CACNA2D3: variants seen among roughly 807,000 people sequenced by gnomAD.
CACNA2D3 encodes the protein voltage-dependent calcium channel subunit alpha-2/delta-3.
In CACNA2D3, 60 loss-of-function variants were observed where a neutral mutation model predicts 160.6. That is an observed-to-expected ratio of 0.37 (90% CI 0.30 to 0.46). The LOEUF (loss-of-function observed/expected upper bound fraction) is 0.46. CACNA2D3 is among the 20% of genes least tolerant of loss of function. The pLI is 1.00. For synonymous variants in CACNA2D3, 558 were observed against 492.9 expected, an observed-to-expected ratio of 1.13 and a Z score of -1.75; for missense variants, 1,205 against 1,365.0, an observed-to-expected ratio of 0.88 and a Z score of 1.85.
intron 13 of CACNA2D3, among the ~76,000 whole-genome samples, chr3:54,805,009 C>T (rs1182016257): frequency 6.6e-6 from 1 of 152,104 alleles, no homozygotes; most frequent in Non-Finnish European, 1.5e-5. Context: ...CCAATGAGAA[C>T]AAAGACACAA....
At chr3:54,578,082 C>T (rs1050764685) in intron 8 of CACNA2D3, among the ~76,000 whole-genome samples, 2 of 152,202 alleles carry the variant, frequency 1.3e-5, no homozygotes, top group African/African-American at 4.8e-5. Context: ...AGAGACTCTT[C>T]CCATTTCCCA....
At chr3:54,895,563 G>A (rs9848771) in intron 25 of CACNA2D3, among the ~76,000 whole-genome samples, 23,826 of 152,166 alleles carry the variant, frequency 0.16, 2,039 homozygotes, top group African/African-American at 0.23. Context: ...AAACCAACCA[G>A]TTACAACTTA....
At chr3:54,720,827 A>G (rs1247863879) in intron 11 of CACNA2D3, among the ~76,000 whole-genome samples, 1 of 152,108 alleles carries the variant, frequency 6.6e-6, no homozygotes, top group African/African-American at 2.4e-5. Flanking sequence ...CAGCTCTTTT[A>G]TTATTACATC....
chr3:54,371,284 G>T (rs1015376761), intron 3 of CACNA2D3, among the ~76,000 whole-genome samples: 13 of 152,072 alleles, frequency 8.5e-5, no homozygotes, highest in African/African-American at 3.1e-4. Context: ...CCTTTTGAAT[G>T]ACTTTCCAAA....
intron 17 of CACNA2D3, among the ~76,000 whole-genome samples, chr3:54,847,298 G>A (rs1698954879): frequency 6.6e-6 from 1 of 152,242 alleles, no homozygotes; most frequent in Non-Finnish European, 1.5e-5. Flanking sequence ...GAGTAATGCA[G>A]TGAACACTGT....
At chr3:54,403,343 G>A (rs9824216) in intron 4 of CACNA2D3, among the ~76,000 whole-genome samples, 32,928 of 142,738 alleles carry the variant, frequency 0.23, 3,799 homozygotes, top group Admixed American at 0.32. Context: ...TGACAGAGCC[G>A]GACCCTATCT....
At chr3:54,210,423 T>A (rs1251953612) in intron 2 of CACNA2D3, among the ~76,000 whole-genome samples, 1 of 150,994 alleles carries the variant, frequency 6.6e-6, no homozygotes, top group African/African-American at 2.4e-5. Flanking sequence ...GTGCAAAGTT[T>A]TTGTGTGTGT....
chr3:54,210,902 C>A (rs932647706), intron 2 of CACNA2D3, among the ~76,000 whole-genome samples: 1 of 151,988 alleles, frequency 6.6e-6, no homozygotes, highest in Admixed American at 6.6e-5. Flanking sequence ...GACTGGGTAC[C>A]CATGTTTTAA....
chr3:54,823,767 G>T (rs955349397), intron 14 of CACNA2D3, among the ~76,000 whole-genome samples: 8 of 152,198 alleles, frequency 5.3e-5, no homozygotes, highest in Admixed American at 4.6e-4. Context: ...ACAAACAGAT[G>T]TACAAAACTG....
chr3:55,001,066 T>C (rs866665235), intron 31 of CACNA2D3, among the ~76,000 whole-genome samples: 5 of 152,186 alleles, frequency 3.3e-5, no homozygotes, highest in East Asian at 1.9e-4. Context: ...ATCTATCTTA[T>C]AGGGATGTGT....
At chr3:54,819,856 C>A (rs143419539) in intron 14 of CACNA2D3, among the ~76,000 whole-genome samples, 186 of 152,224 alleles carry the variant, frequency 1.2e-3, no homozygotes, top group African/African-American at 4.2e-3. Context: ...AAAACACACA[C>A]ACACACACAA....
Position 54,487,258 on chromosome 3 carries a change from C to A in CACNA2D3, c.382-16234C>A, listed in dbSNP as rs371747246. ...TGGCATGCACCTGTAGTCCCAGCTA[C>A]TTTGGAGGCTGAGTTGGGAGCATCG... On this transcript the variant is annotated intron_variant, in intron 4 of 37. Transcript: ENST00000474759. 3.9e-5 allele frequency among the ~76,000 whole-genome samples: 6 copies of A among 152,172 alleles called. No homozygotes were observed. The South Asian group carries it at 1.2e-3, about 32-fold the overall frequency.
At chr3:54,750,434 G>T (rs761135678) in intron 11 of CACNA2D3, among the ~76,000 whole-genome samples, 1 of 152,138 alleles carries the variant, frequency 6.6e-6, no homozygotes, top group Admixed American at 6.5e-5. Flanking sequence ...AGAAAGCATG[G>T]GTCTGGTCTC....
At chr3:54,481,767 A>C (rs1366318666) in intron 4 of CACNA2D3, among the ~76,000 whole-genome samples, 2 of 152,148 alleles carry the variant, frequency 1.3e-5, no homozygotes, top group Non-Finnish European at 2.9e-5. Context: ...GAGCTTTCTG[A>C]GGAGGGGGAA....
intron 35 of CACNA2D3, among the ~76,000 whole-genome samples, chr3:55,064,747 T>A (rs1032296880): frequency 5.3e-5 from 8 of 152,082 alleles, no homozygotes; most frequent in African/African-American, 1.9e-4. Context: ...GAGGATGGAT[T>A]TGAGAGGCAT....
chr3:54,445,929 C>T (rs539853414), intron 4 of CACNA2D3, among the ~76,000 whole-genome samples: 2 of 152,090 alleles, frequency 1.3e-5, no homozygotes, highest in Non-Finnish European at 2.9e-5. Flanking sequence ...TGTGGTCTCT[C>T]CAGTGCCTGT....
chr3:54,973,753 C>G (rs1702325463), intron 29 of CACNA2D3, among the ~76,000 whole-genome samples: 1 of 152,126 alleles, frequency 6.6e-6, no homozygotes, highest in Admixed American at 6.5e-5. Flanking sequence ...CTAGGTGACC[C>G]CTCTGCAATA....
chr3:54,503,694 A>G (rs1403982605), intron 5 of CACNA2D3, 40 bp downstream of exon 5: 7 of 1,588,586 alleles, frequency 4.4e-6, no homozygotes, highest in Non-Finnish European at 6.0e-6. Context: ...AAGGTGAAGA[A>G]TCAGGGGGTT....
intron 27 of CACNA2D3, among the ~76,000 whole-genome samples, chr3:54,956,698 A>G (rs1002908730): frequency 1.2e-4 from 18 of 152,266 alleles, no homozygotes; most frequent in African/African-American, 3.9e-4. Context: ...TCTTAAGGTA[A>G]TGGCCTAATC....
Sources: allele counts gnomAD v4.1 joint callset (sites outside exome capture counted in the v4.1 genomes callset), GRCh38; gene constraint gnomAD v4.1.1; transcripts MANE v1.5; gene names NCBI Gene and HGNC (gene_info 2026-07-23, HGNC 2026-07-21).